CWH43: variants seen among roughly 807,000 people sequenced by gnomAD.
CWH43 encodes the protein PGAP2-interacting protein.
A neutral mutation model predicts 85.7 loss-of-function variants in CWH43; 91 were observed. That is an observed-to-expected ratio of 1.06 (90% CI 0.90 to 1.26). The LOEUF (loss-of-function observed/expected upper bound fraction) is 1.26. Among genes scored for constraint, CWH43 ranks in the 50% most tolerant of loss-of-function variants. CWH43 has a pLI of 0.00. For missense variants in CWH43, 869 were observed against 839.2 expected (o/e 1.04, Z -0.44); for synonymous variants, 323 against 293.6 (o/e 1.10, Z -1.02).
At chr4:49,061,476 A>T (rs1441612182) in intron 15 of CWH43, among the ~76,000 whole-genome samples, 1 of 152,222 alleles carries the variant, frequency 6.6e-6, no homozygotes, top group Non-Finnish European at 1.5e-5. Flanking sequence ...ATAGATTTTT[A>T]TATGCATAAA....
intron 12 of CWH43, among the ~76,000 whole-genome samples, chr4:49,034,315 G>A (rs1784195880): frequency 6.6e-6 from 1 of 151,996 alleles, no homozygotes; most frequent in Non-Finnish European, 1.5e-5. Flanking sequence ...ATGTTTAAAG[G>A]TTGCAAGTTC....
intron 6 of CWH43, among the ~76,000 whole-genome samples, chr4:49,000,199 A>G (rs1455541567): frequency 1.3e-5 from 2 of 152,200 alleles, no homozygotes; most frequent in African/African-American, 4.8e-5. Flanking sequence ...AGACTGTATC[A>G]GTAATAGAAG....
chr4:48,993,083 C>G (rs958569937), intron 4 of CWH43, among the ~76,000 whole-genome samples: 10 of 152,164 alleles, frequency 6.6e-5, no homozygotes, highest in African/African-American at 2.4e-4. Flanking sequence ...TCTATCTGGC[C>G]TCTGTTTTAA....
chr4:49,040,569 G>T (rs893045070), intron 13 of CWH43, among the ~76,000 whole-genome samples: 137 of 151,680 alleles, frequency 9.0e-4, no homozygotes, highest in Middle Eastern at 6.8e-3. Flanking sequence ...TCATATCCTT[G>T]GCCCACTTTT....
chr4:49,005,020 A>G (rs2109763093), intron 7 of CWH43, among the ~76,000 whole-genome samples: 1 of 152,322 alleles, frequency 6.6e-6, no homozygotes, highest in Non-Finnish European at 1.5e-5. Flanking sequence ...AACATGTCAA[A>G]TACTTCTACA....
chr4:49,029,091 G>A (rs1014258754), intron 10 of CWH43, among the ~76,000 whole-genome samples: 1 of 152,144 alleles, frequency 6.6e-6, no homozygotes, highest in African/African-American at 2.4e-5. Flanking sequence ...GGATCAAAAG[G>A]CAGAATGGGT....
chr4:49,056,627 AT>A (rs555531544), intron 15 of CWH43, among the ~76,000 whole-genome samples: 38 of 150,180 alleles, frequency 2.5e-4, no homozygotes, highest in South Asian at 6.3e-4. Flanking sequence ...TTAGTTTCAT[AT>A]TTTTTTTTAT....
chr4:49,016,884 A>T, intron 8 of CWH43: 1 of 785,088 alleles, frequency 1.3e-6, no homozygotes, highest in African/African-American at 1.7e-5. Context: ...CCCCAGGACT[A>T]CCCACGTAGC....
In CWH43 at chr4:49,061,781, A is replaced by G. The variant is rs182236977; in HGVS notation, c.2022-31A>G. 1.6e-5 allele frequency: 21 copies of G among 1,312,942 alleles called. No individual in the cohort carries two copies. In the African/African-American group the frequency reaches 2.8e-4, roughly 17 times the overall value. 81.3% of individuals were successfully genotyped at this position (1,312,942 alleles called of 1,614,324 possible). On this transcript the variant is annotated intron_variant, in intron 15 of 15. Coordinates refer to ENST00000226432, the MANE Select transcript of CWH43 (RefSeq NM_025087.3). ...CTTTCTGAATGGTTTTTACATGCCA[A>G]TAACTTTTTATTTATTTTTTATTTT...
intron 5 of CWH43, among the ~76,000 whole-genome samples, chr4:48,996,369 T>C (rs1018364820): frequency 6.6e-6 from 1 of 152,150 alleles, no homozygotes; most frequent in Non-Finnish European, 1.5e-5. Context: ...ATATTCTGTA[T>C]TACAGATTTT....
chr4:49,020,844 A>G (rs1171746387), intron 9 of CWH43, among the ~76,000 whole-genome samples: 1 of 151,756 alleles, frequency 6.6e-6, no homozygotes, highest in Non-Finnish European at 1.5e-5. Flanking sequence ...TTTTTTGGCC[A>G]TTTGTGTATC....
chr4:48,989,985 C>T (rs1338328278), intron 2 of CWH43, among the ~76,000 whole-genome samples: 2 of 152,168 alleles, frequency 1.3e-5, no homozygotes, highest in Non-Finnish European at 2.9e-5. Flanking sequence ...TTCCTTATCA[C>T]ACTTCAGGTT....
intron 1 of CWH43, 139 bp from the exon 2 acceptor site, chr4:48,988,338 G>C: frequency 4.3e-6 from 2 of 466,960 alleles, no homozygotes; most frequent in Non-Finnish European, 7.3e-6. Flanking sequence ...CATGTCAGTG[G>C]AGACAACTGG....
intron 6 of CWH43, among the ~76,000 whole-genome samples, chr4:49,002,943 A>T (rs1783039541): frequency 6.6e-6 from 1 of 152,184 alleles, no homozygotes; most frequent in African/African-American, 2.4e-5. Flanking sequence ...GGTCCCAATT[A>T]TACAACATGG....
At chr4:49,008,665 A>G (rs1783248380) in intron 8 of CWH43, among the ~76,000 whole-genome samples, 4 of 152,222 alleles carry the variant, frequency 2.6e-5, no homozygotes, top group Admixed American at 2.6e-4. Flanking sequence ...AGTGCAAGGA[A>G]GAAATCCAGT....
At chr4:49,051,869 G>T (rs1784809371) in intron 15 of CWH43, among the ~76,000 whole-genome samples, 1 of 152,156 alleles carries the variant, frequency 6.6e-6, no homozygotes, top group African/African-American at 2.4e-5. Flanking sequence ...GAGCCACCGT[G>T]CCCGGCCTTG....
chr4:48,999,301 C>T (rs1486049542), intron 6 of CWH43, among the ~76,000 whole-genome samples: 1 of 152,084 alleles, frequency 6.6e-6, no homozygotes, highest in Non-Finnish European at 1.5e-5. Flanking sequence ...TATATTACCA[C>T]ATTTTCTTTA....
intron 7 of CWH43, among the ~76,000 whole-genome samples, chr4:49,004,287 C>T (rs557960304): frequency 4.6e-5 from 7 of 152,320 alleles, no homozygotes; most frequent in Admixed American, 2.6e-4. Context: ...CAATGTAACA[C>T]TTGTGTTATA....
chr4:48,996,330 C>CACAT (rs1560486372), intron 5 of CWH43, among the ~76,000 whole-genome samples: 1 of 150,026 alleles, frequency 6.7e-6, no homozygotes, highest in African/African-American at 2.5e-5. Context: ...CACACACACA[C>CACAT]ATATATATAT....
Sources: gnomAD v4.1 joint callset for allele counts (sites outside exome capture counted in the v4.1 genomes callset) on GRCh38, gnomAD v4.1.1 for gene constraint, MANE v1.5 for transcripts, NCBI Gene and HGNC (gene_info 2026-07-23, HGNC 2026-07-21) for gene names.